The following ARHGAP21 variants were observed in gnomAD, a reference collection of about 807,000 sequenced individuals.
ARHGAP21 encodes the protein rho GTPase-activating protein 21.
ARHGAP21 carries 38 observed loss-of-function variants against 164.6 expected under a neutral mutation model. The ratio of observed to expected loss-of-function variants is 0.23; its 90% confidence interval spans 0.18 to 0.30. ARHGAP21 has a LOEUF of 0.30. ARHGAP21 is among the 10% of genes least tolerant of loss of function. ARHGAP21 has a pLI of 1.00. For missense variants in ARHGAP21, 1,822 were observed against 2,370.7 expected (o/e 0.77, Z 4.81); for synonymous variants, 766 against 857.9 (o/e 0.89, Z 1.87).
At position 24,633,882 on chromosome 10, in the gene ARHGAP21, T is replaced by TA. The variant is rs1365122994; in HGVS notation, c.362-403_362-402insT. ...TCTCCACGTACCCTGTCTTTTTTTC[T>TA]CTTTTTTTTTTTTTTTTTTTTTTTT... On this transcript the variant is annotated intron_variant, in intron 5 of 25. Coordinates refer to ENST00000396432, the MANE Select transcript of ARHGAP21 (RefSeq NM_020824.4). Among the ~76,000 whole-genome samples the TA allele has an allele frequency of 1.6e-4, 19 of 120,968 alleles. No homozygotes were observed. The South Asian group carries it at 1.7e-3, about 11-fold the overall frequency. The allele number at this position is 120,968 out of a possible 152,430, so 79.4% of individuals were successfully genotyped here. A position where few individuals can be genotyped will look rare whatever the true frequency, so the allele number is the denominator to read the frequency against.
chr10:24,689,371 C>A (rs1194321397), intron 2 of ARHGAP21, among the ~76,000 whole-genome samples: 2 of 152,174 alleles, frequency 1.3e-5, no homozygotes, highest in East Asian at 3.9e-4. Flanking sequence ...TTTAACTTAC[C>A]TGTCATTCCC....
At chr10:24,641,519 A>C (rs1837017725) in intron 4 of ARHGAP21, among the ~76,000 whole-genome samples, 1 of 152,226 alleles carries the variant, frequency 6.6e-6, no homozygotes. Flanking sequence ...GTCACCTGTC[A>C]GGTCTCAATC....
intron 4 of ARHGAP21, among the ~76,000 whole-genome samples, chr10:24,641,123 G>A (rs1836969571): frequency 6.6e-6 from 1 of 152,096 alleles, no homozygotes; most frequent in African/African-American, 2.4e-5. Context: ...TTGACAACAG[G>A]CTTCTAACTT....
intron 4 of ARHGAP21, among the ~76,000 whole-genome samples, chr10:24,651,917 C>A (rs1838212533): frequency 6.6e-6 from 1 of 152,108 alleles, no homozygotes; most frequent in Admixed American, 6.5e-5. Flanking sequence ...AGAAGACATT[C>A]TACCCAATAG....
chr10:24,677,558 G>A (rs1277265218), intron 2 of ARHGAP21, among the ~76,000 whole-genome samples: 2 of 152,138 alleles, frequency 1.3e-5, no homozygotes, highest in South Asian at 2.1e-4. Flanking sequence ...TCATAAATCC[G>A]TTGTAGTTTA....
intron 11 of ARHGAP21, among the ~76,000 whole-genome samples, chr10:24,605,433 G>A (rs1465623935): frequency 6.6e-6 from 1 of 152,030 alleles, no homozygotes; most frequent in Admixed American, 6.6e-5. Flanking sequence ...CTGAAATAAC[G>A]GCAGTTTTTG....
chr10:24,607,104 TA>T (rs1280909888), intron 11 of ARHGAP21, among the ~76,000 whole-genome samples: 1 of 152,200 alleles, frequency 6.6e-6, no homozygotes, highest in African/African-American at 2.4e-5. Context: ...TAAGGATCTC[TA>T]AGATCAGTGT....
chr10:24,587,691 A>G (rs141424793), intron 25 of ARHGAP21, among the ~76,000 whole-genome samples: 38 of 152,304 alleles, frequency 2.5e-4, no homozygotes, highest in Admixed American at 1.1e-3. Flanking sequence ...CATCCTCTCT[A>G]GCTTGCTGGG....
intron 2 of ARHGAP21, among the ~76,000 whole-genome samples, chr10:24,719,767 C>A (rs1221308949): frequency 6.6e-6 from 1 of 152,156 alleles, no homozygotes; most frequent in African/African-American, 2.4e-5. Context: ...AACTAACTCC[C>A]TATTACTAAA....
At chr10:24,629,880 G>A (rs1423970489) in intron 7 of ARHGAP21, 116 bp downstream of exon 7, 7 of 780,794 alleles carry the variant, frequency 9.0e-6, no homozygotes, top group Non-Finnish European at 1.5e-5. Context: ...AGGAACCAGA[G>A]GGTTTTTAAA....
chr10:24,596,484 A>G (rs1472316999), intron 17 of ARHGAP21: 5 of 552,648 alleles, frequency 9.0e-6, no homozygotes, highest in Non-Finnish European at 1.2e-5. Context: ...TAAAAGCAGA[A>G]ACACACGATT....
chr10:24,609,340 A>G (rs1030481839), intron 9 of ARHGAP21, among the ~76,000 whole-genome samples: 3 of 152,196 alleles, frequency 2.0e-5, no homozygotes, highest in Non-Finnish European at 4.4e-5. Flanking sequence ...CCAACTTACT[A>G]TATTTTGGAG....
chr10:24,633,175 A>G (rs985036461), intron 6 of ARHGAP21, among the ~76,000 whole-genome samples: 3 of 152,214 alleles, frequency 2.0e-5, no homozygotes, highest in Non-Finnish European at 2.9e-5. Context: ...TACAGCCTCT[A>G]TGGGATTTTA....
chr10:24,692,642 G>A (rs1383888761), intron 2 of ARHGAP21, among the ~76,000 whole-genome samples: 1 of 152,110 alleles, frequency 6.6e-6, no homozygotes, highest in Non-Finnish European at 1.5e-5. Flanking sequence ...GACCAGCCTG[G>A]CCAACATGGC....
In ARHGAP21 at chr10:24,591,914, G is replaced by A. The variant is rs142895527; in HGVS notation, c.3975C>T (p.Tyr1325=). 1.4e-4 allele frequency: 225 copies of A among 1,613,222 alleles called. 1 individual carries two copies. Among genetic ancestry groups the A allele is most frequent in the Admixed American group, 5.2e-4 (31 of 59,868 alleles). ...THMVTHMPDQ[Y]KIVETLIQHH... Reference sequence around the variant, plus strand: ...GCTGGATGAGCGTTTCTACAATCTTGTACTGGTCAGGCATGTGGGTGACCA... The same window carrying A: ...GCTGGATGAGCGTTTCTACAATCTTATACTGGTCAGGCATGTGGGTGACCA... Residue 1325 remains tyrosine, a synonymous_variant, in exon 22 of 26, where the codon TAC becomes TAT. Coordinates refer to ENST00000396432, the MANE Select transcript of ARHGAP21 (RefSeq NM_020824.4).
intron 2 of ARHGAP21, among the ~76,000 whole-genome samples, chr10:24,719,698 G>A (rs1392444642): frequency 1.3e-5 from 2 of 152,066 alleles, no homozygotes; most frequent in African/African-American, 4.8e-5. Context: ...TAAAATTGAC[G>A]ACAAAAATTA....
intron 12 of ARHGAP21, among the ~76,000 whole-genome samples, chr10:24,603,554 C>T (rs959329372): frequency 6.6e-6 from 1 of 152,072 alleles, no homozygotes; most frequent in African/African-American, 2.4e-5. Flanking sequence ...GAATGAGTCA[C>T]TGGAAAAATG....
In ARHGAP21 at chr10:24,585,914, T is replaced by G. The variant is rs774981213; in HGVS notation, c.4375A>C (p.Lys1459Gln). 6.2e-7 allele frequency: 1 copy of G among 1,614,020 alleles called. No individual in the cohort carries two copies. Among genetic ancestry groups the G allele is most frequent in the African/African-American group, 1.3e-5 (1 of 74,930 alleles). The change falls in exon 26 of 26, where the codon AAA becomes CAA. Residue 1459 changes from lysine to glutamine, a missense_variant. By Grantham distance (53) the Lys-to-Gln change is moderately conservative (BLOSUM62 1). This residue lies in a region of ARHGAP21 where 333 missense variants were observed against 383.9 expected (regional missense o/e 0.87). Transcript: ENST00000396432. Reference protein sequence around the residue: ...QCHNDTKEESKKESETLGRKQ... With the variant: ...QCHNDTKEESQKESETLGRKQ... Reference sequence around the variant, plus strand: ...CTGCCCAGTGTCTCACTTTCTTTTTTGGACTCCTCTTTAGTATCATTGTGA... The same window carrying G: ...CTGCCCAGTGTCTCACTTTCTTTTTGGGACTCCTCTTTAGTATCATTGTGA...
chr10:24,674,676 A>G (rs1009388941), intron 2 of ARHGAP21, among the ~76,000 whole-genome samples: 1 of 152,048 alleles, frequency 6.6e-6, no homozygotes, highest in Non-Finnish European at 1.5e-5. Context: ...ACAGAATGAA[A>G]CCCTGCCTCA....
Sources: allele counts gnomAD v4.1 joint callset (sites outside exome capture counted in the v4.1 genomes callset), GRCh38; gene constraint gnomAD v4.1.1; regional missense constraint gnomAD v4.1.1; transcripts MANE v1.5; gene names NCBI Gene and HGNC (gene_info 2026-07-23, HGNC 2026-07-21).